The following CSMD1 variants were observed in gnomAD, a reference collection of about 807,000 sequenced individuals.
CSMD1 encodes the protein CUB and sushi domain-containing protein 1.
Under a neutral mutation model 417.5 loss-of-function variants are expected in CSMD1, and 213 were observed. That is an observed-to-expected ratio of 0.51 (90% CI 0.46 to 0.57). CSMD1 has a LOEUF of 0.57. Among genes scored for constraint, CSMD1 ranks in the 20% least tolerant of loss-of-function variants. CSMD1 has a pLI of 0.00. For missense variants in CSMD1, 6,923 were observed against 4,529.7 expected, an observed-to-expected ratio of 1.53 and a Z score of -15.17; for synonymous variants, 2,862 against 1,736.8, an observed-to-expected ratio of 1.65 and a Z score of -16.11.
intron 3 of CSMD1, among the ~76,000 whole-genome samples, chr8:4,359,020 T>C (rs1046090578): frequency 3.9e-5 from 6 of 152,142 alleles, no homozygotes; most frequent in Admixed American, 3.9e-4. Context: ...AATATATACA[T>C]ATATGCCTAT....
rs199720040 is a variant in CSMD1, at chr8:4,290,085, G to T, written c.415+129868C>A. On this transcript the variant is annotated intron_variant, in intron 3 of 69. Coordinates refer to ENST00000635120, the MANE Select transcript of CSMD1 (RefSeq NM_033225.6). ...AATTCAGCACGGTCTTTTTTATAGT[G>T]GCATACAGATGTGCAACAAAACCAA... 7.9e-5 allele frequency among the ~76,000 whole-genome samples: 12 copies of T among 152,266 alleles called. No individual in the cohort carries two copies. The East Asian group carries it at 2.3e-3, about 29-fold the overall frequency.
chr8:3,115,619 T>C (rs10092828), intron 42 of CSMD1, among the ~76,000 whole-genome samples: 54,166 of 152,088 alleles, frequency 0.36, 13,289 homozygotes, highest in African/African-American at 0.69. Flanking sequence ...CTTTCATTTG[T>C]TTACTTTCAT....
chr8:4,043,428 G>A (rs1797993706), intron 3 of CSMD1, among the ~76,000 whole-genome samples: 1 of 152,198 alleles, frequency 6.6e-6, no homozygotes, highest in Non-Finnish European at 1.5e-5. Flanking sequence ...CCTCACACCT[G>A]CAAGGTGCAC....
intron 1 of CSMD1, among the ~76,000 whole-genome samples, chr8:4,855,330 A>C (rs990016539): frequency 2.0e-5 from 3 of 152,088 alleles, no homozygotes; most frequent in African/African-American, 7.2e-5. Context: ...AGAACAGAAA[A>C]ACTGGAAACT....
intron 21 of CSMD1, among the ~76,000 whole-genome samples, chr8:3,349,886 T>TAC (rs1273253750): frequency 2.0e-5 from 2 of 99,350 alleles, no homozygotes; most frequent in South Asian, 3.2e-4. Flanking sequence ...TATCTATATA[T>TAC]ATATTTATAA....
intron 2 of CSMD1, among the ~76,000 whole-genome samples, chr8:4,608,507 T>G (rs1801000350): frequency 6.6e-6 from 1 of 152,192 alleles, no homozygotes; most frequent in Admixed American, 6.5e-5. Flanking sequence ...TTTGGAGTGT[T>G]TAAATGTGGA....
intron 18 of CSMD1, chr8:3,373,351 A>C (rs1184580772): frequency 2.6e-5 from 4 of 152,278 alleles, no homozygotes; most frequent in African/African-American, 9.6e-5. Flanking sequence ...CATCAGGAGA[A>C]AGTCAGACAG....
intron 3 of CSMD1, among the ~76,000 whole-genome samples, chr8:4,184,027 T>G (rs1047204232): frequency 1.3e-5 from 2 of 152,216 alleles, no homozygotes; most frequent in African/African-American, 4.8e-5. Context: ...TAATGTTTGC[T>G]GATAATGATG....
At chr8:4,174,099 A>C (rs888399266) in intron 3 of CSMD1, among the ~76,000 whole-genome samples, 1 of 152,156 alleles carries the variant, frequency 6.6e-6, no homozygotes, top group African/African-American at 2.4e-5. Flanking sequence ...AGGGAGACTC[A>C]CAGAGTGGAG....
Position 3,307,753 on chromosome 8 carries a change from A to G in CSMD1, c.3892T>C (p.Tyr1298His). ...RILSPGYPAP[Y>H]DNNLHCTWII... ...CAGGTGCAGTGGAGGTTGTTGTCAT[A>G]CGGAGCTGGATAGCCAGGGGACAAT... Residue 1298 changes from tyrosine to histidine, a missense_variant, in exon 25 of 70, where the codon TAT (tyrosine) becomes CAT (histidine). Transcript: ENST00000635120. 6.2e-7 allele frequency: 1 copy of G among 1,613,750 alleles called. No homozygotes were observed. The highest frequency in any genetic ancestry group is 8.5e-7 in the Non-Finnish European group (1 of 1,179,718).
At chr8:4,335,534 C>T (rs1278506793) in intron 3 of CSMD1, among the ~76,000 whole-genome samples, 1 of 152,062 alleles carries the variant, frequency 6.6e-6, no homozygotes, top group South Asian at 2.1e-4. Flanking sequence ...AGAACATCAG[C>T]ACCAACATCT....
At chr8:4,984,690 C>T (rs1811079661) in intron 1 of CSMD1, among the ~76,000 whole-genome samples, 1 of 152,168 alleles carries the variant, frequency 6.6e-6, no homozygotes, top group South Asian at 2.1e-4. Context: ...GAACAAACCA[C>T]TTGACTGGGC....
intron 3 of CSMD1, among the ~76,000 whole-genome samples, chr8:4,200,020 A>C (rs1799558268): frequency 6.6e-6 from 1 of 152,204 alleles, no homozygotes; most frequent in Non-Finnish European, 1.5e-5. Context: ...CTTGTTGAAA[A>C]TTATGTTGAG....
intron 7 of CSMD1, among the ~76,000 whole-genome samples, chr8:3,691,560 T>C (rs1800245968): frequency 6.6e-6 from 1 of 152,184 alleles, no homozygotes; most frequent in African/African-American, 2.4e-5. Flanking sequence ...AATAATTGTA[T>C]TTACACATAA....
At chr8:3,206,191 T>G (rs961139839) in intron 30 of CSMD1, among the ~76,000 whole-genome samples, 1 of 145,984 alleles carries the variant, frequency 6.9e-6, no homozygotes, top group Non-Finnish European at 1.5e-5. Flanking sequence ...ATTAGAAAGT[T>G]AGGGCTTACA....
chr8:4,574,686 G>C (rs1439197282), intron 2 of CSMD1, among the ~76,000 whole-genome samples: 2 of 152,252 alleles, frequency 1.3e-5, no homozygotes, highest in African/African-American at 4.8e-5. Context: ...CTCTCTTCCA[G>C]ATATGTGGGG....
At chr8:3,974,502 T>G (rs2130116157) in intron 5 of CSMD1, among the ~76,000 whole-genome samples, 1 of 152,194 alleles carries the variant, frequency 6.6e-6, no homozygotes, top group South Asian at 2.1e-4. Flanking sequence ...AGTATTTATT[T>G]TTAAAAATAA....
chr8:3,293,339 G>C (rs564031293), intron 25 of CSMD1, among the ~76,000 whole-genome samples: 1 of 151,990 alleles, frequency 6.6e-6, no homozygotes, highest in Admixed American at 6.6e-5. Flanking sequence ...TCTTTGTGGC[G>C]TTCTCTGGAT....
At chr8:3,560,763 T>G (rs1373658626) in intron 10 of CSMD1, among the ~76,000 whole-genome samples, 1 of 152,212 alleles carries the variant, frequency 6.6e-6, no homozygotes. Flanking sequence ...AGAACTTTTT[T>G]GGCTATATAT....
Sources: gnomAD v4.1 joint callset for allele counts (sites outside exome capture counted in the v4.1 genomes callset) on GRCh38, gnomAD v4.1.1 for gene constraint, MANE v1.5 for transcripts, NCBI Gene and HGNC (gene_info 2026-07-23, HGNC 2026-07-21) for gene names.